ACSBG2: variants seen among roughly 807,000 people sequenced by gnomAD.
The protein encoded by ACSBG2 is long-chain-fatty-acid--CoA ligase ACSBG2.
ACSBG2 carries 62 observed loss-of-function variants against 74.7 expected under a neutral mutation model. That is an observed-to-expected ratio of 0.83 (90% CI 0.68 to 1.03). The LOEUF is 1.03. ACSBG2 is among the 50% of genes least tolerant of loss of function. The pLI is 0.00. For missense variants in ACSBG2, 730 were observed against 817.6 expected (o/e 0.89, Z 1.31); for synonymous variants, 309 against 294.1 (o/e 1.05, Z -0.52).
At chr19:6,152,998 CT>C (rs2089289937) in intron 4 of ACSBG2, among the ~76,000 whole-genome samples, 1 of 152,152 alleles carries the variant, frequency 6.6e-6, no homozygotes, top group Non-Finnish European at 1.5e-5. Context: ...AATCCCAGCA[CT>C]GTGGGAGGCC....
At position 6,163,121 on chromosome 19, in the gene ACSBG2, AAATAATAATAATAAT is replaced by A. The variant is rs71917482; in HGVS notation, c.588+1857_588+1871del. ...GAAACCCTGTCTCTACTAAAAATAC[AAATAATAATAATAAT>A]AATAATAATAATAATAATAATAATA... is the stretch of plus-strand genomic sequence containing the variant. On this transcript the variant is annotated intron_variant, in intron 6 of 14. Coordinates refer to ENST00000588485, the MANE Select transcript of ACSBG2 (RefSeq NM_030924.5). 9.0e-4 allele frequency among the ~76,000 whole-genome samples: 110 copies of A among 122,842 alleles called. 1 individual carries two copies. Among genetic ancestry groups the A allele is most frequent in the Middle Eastern group, 4.1e-3 (1 of 244 alleles). 80.6% of individuals were successfully genotyped at this position (122,842 alleles called of 152,430 possible). A position where few individuals can be genotyped will look rare whatever the true frequency, so the allele number is the denominator to read the frequency against.
rs561965710 is a variant in ACSBG2 at position 6,180,136 on chromosome 19, A to G, written c.907-2615A>G. ...GCTTCCCTCTTATAAGGACCCTGTG[A>G]TGACATTGGGCCACCCAGATCATCC... is the stretch of plus-strand genomic sequence containing the variant. On this transcript the variant is annotated intron_variant, in intron 8 of 14. Coordinates refer to ENST00000588485, the MANE Select transcript of ACSBG2 (RefSeq NM_030924.5). This position sits in a 1 kb window ranked among gnomAD's most constrained non-coding sequence, Gnocchi z 4.3. Among the ~76,000 whole-genome samples, 45 of 151,998 alleles carry G rather than the reference A, an allele frequency of 3.0e-4. No individual in the cohort carries two copies. The highest frequency in any genetic ancestry group is 5.4e-4 in the Non-Finnish European group (37 of 68,000).
chr19:6,173,733 C>T (rs547421172), intron 7 of ACSBG2, among the ~76,000 whole-genome samples: 29 of 152,136 alleles, frequency 1.9e-4, no homozygotes, highest in South Asian at 1.2e-3. Flanking sequence ...ATCTGATGTC[C>T]GTTGTCAGCC....
At position 6,152,551 on chromosome 19, in the gene ACSBG2, AT is replaced by A. The variant is rs746612699; in HGVS notation, c.386+775del. Among the ~76,000 whole-genome samples, 51 of 20,250 alleles carry A rather than the reference AT, an allele frequency of 2.5e-3. 5 individuals are homozygous for A. The highest frequency in any genetic ancestry group is 4.8e-3 in the Non-Finnish European group (33 of 6,888). 13.3% of individuals were successfully genotyped at this position (20,250 alleles called of 152,430 possible). On this transcript the variant is annotated intron_variant, in intron 4 of 14. Transcript: ENST00000588485. ...ATGATCCACCCGCCTCGGCCTCCCA[AT>A]TTTTTTTTTTTTTTTTTTGTAGAGA...
At chr19:6,154,259 G>T (rs985817072) in intron 4 of ACSBG2, among the ~76,000 whole-genome samples, 1 of 150,928 alleles carries the variant, frequency 6.6e-6, no homozygotes, top group Non-Finnish European at 1.5e-5. Flanking sequence ...TTAGCCAGGC[G>T]TAGTGGCACA....
chr19:6,141,390 G>A, intron 1 of ACSBG2, 123 bp from the exon 2 acceptor site: 2 of 622,028 alleles, frequency 3.2e-6, no homozygotes, highest in Middle Eastern at 3.3e-4. Flanking sequence ...CCCAGGCCCA[G>A]GACAGGCATG....
chr19:6,152,280 T>A (rs1437964161), intron 4 of ACSBG2, among the ~76,000 whole-genome samples: 1 of 39,122 alleles, frequency 2.6e-5, no homozygotes, highest in Admixed American at 2.5e-4. Flanking sequence ...ACCCAGCTAA[T>A]TTTTTTTTTT....
intron 3 of ACSBG2, among the ~76,000 whole-genome samples, chr19:6,148,866 G>C (rs931250448): frequency 1.3e-5 from 2 of 152,146 alleles, no homozygotes; most frequent in Non-Finnish European, 1.5e-5. Context: ...ACTTTGGGAG[G>C]CCAAGGTGGG....
rs2090042393 is a variant in ACSBG2, at chr19:6,174,460, T to A, written c.739-2769T>A. Among the ~76,000 whole-genome samples the A allele has an allele frequency of 6.6e-6, 1 of 152,166 alleles. No homozygotes were observed. The highest frequency in any genetic ancestry group is 2.1e-4 in the South Asian group (1 of 4,832). ...CTCTGTTTAATCTACCACATATACA[T>A]AAAATGCTTAGAACAATGCCTGGCA... On this transcript the variant is annotated intron_variant, in intron 7 of 14. Transcript: ENST00000588485. The surrounding 1 kb of genome is among the most constrained non-coding windows in gnomAD (Gnocchi z 4.2).
chr19:6,155,161 A>G (rs2089376688), intron 4 of ACSBG2, among the ~76,000 whole-genome samples: 1 of 152,166 alleles, frequency 6.6e-6, no homozygotes, highest in Non-Finnish European at 1.5e-5. Flanking sequence ...AGAGCCCAGA[A>G]ATAGCTCCAT....
At chr19:6,155,998 T>C (rs1303346805) in intron 4 of ACSBG2, among the ~76,000 whole-genome samples, 3 of 150,596 alleles carry the variant, frequency 2.0e-5, no homozygotes, top group Admixed American at 6.6e-5. Flanking sequence ...AAGGCACATG[T>C]AAAGGTGCTC....
intron 5 of ACSBG2, among the ~76,000 whole-genome samples, chr19:6,160,272 C>T (rs902352679): frequency 1.3e-5 from 2 of 151,808 alleles, no homozygotes; most frequent in African/African-American, 4.8e-5. Context: ...CGCCTGTAGT[C>T]CCAGCTACTC....
intron 13 of ACSBG2, 101 bp from the exon 14 acceptor site, chr19:6,190,483 C>A: frequency 9.9e-7 from 1 of 1,007,832 alleles, no homozygotes; most frequent in Admixed American, 1.8e-5. Context: ...GCCAGCCACC[C>A]AGCCTAGCCC....
chr19:6,187,229 T>G, intron 11 of ACSBG2, 54 bp from the exon 12 acceptor site: 1 of 1,609,506 alleles, frequency 6.2e-7, no homozygotes, highest in South Asian at 1.1e-5. Context: ...GGTCTCAAAC[T>G]GGGGGTTCCA....
At chr19:6,175,860 T>C (rs2090075153) in intron 7 of ACSBG2, 1 of 152,722 alleles carries the variant, frequency 6.5e-6, no homozygotes, top group South Asian at 2.1e-4. Context: ...TTGACCATGT[T>C]GGTTCCATAG....
At chr19:6,154,470 TAATA>T (rs1425070215) in intron 4 of ACSBG2, among the ~76,000 whole-genome samples, 4 of 147,004 alleles carry the variant, frequency 2.7e-5, no homozygotes, top group African/African-American at 4.9e-5. Flanking sequence ...ATAATACATA[TAATA>T]AATAATATAT....
intron 2 of ACSBG2, among the ~76,000 whole-genome samples, chr19:6,142,870 A>G (rs2088898070): frequency 6.6e-6 from 1 of 152,084 alleles, no homozygotes; most frequent in East Asian, 1.9e-4. Flanking sequence ...AGCATCACAC[A>G]CAAAGGAGTT....
At chr19:6,140,197 C>T (rs2088766980) in intron 1 of ACSBG2, among the ~76,000 whole-genome samples, 1 of 144,082 alleles carries the variant, frequency 6.9e-6, no homozygotes, top group Admixed American at 7.5e-5. Flanking sequence ...TGCACTCCAG[C>T]CTGGGCGACA....
At chr19:6,171,195 C>T (rs2089954378) in intron 7 of ACSBG2, among the ~76,000 whole-genome samples, 1 of 151,912 alleles carries the variant, frequency 6.6e-6, no homozygotes, top group Admixed American at 6.6e-5. Flanking sequence ...CACTCTATGT[C>T]TTTTAAGTGC....
Sources: gnomAD v4.1 joint callset for allele counts (sites outside exome capture counted in the v4.1 genomes callset) on GRCh38, gnomAD v4.1.1 for gene constraint, Gnocchi (gnomAD v3.1) non-coding constraint, MANE v1.5 for transcripts, NCBI Gene and HGNC (gene_info 2026-07-23, HGNC 2026-07-21) for gene names.